KIF2A: variants seen among roughly 807,000 people sequenced by gnomAD.
KIF2A encodes the protein kinesin-like protein KIF2A.
KIF2A carries 22 observed loss-of-function variants against 100.2 expected under a neutral mutation model. The ratio of observed to expected loss-of-function variants is 0.22; its 90% CI spans 0.16 to 0.31. The LOEUF is 0.31. Among genes scored for constraint, KIF2A ranks in the 10% least tolerant of loss-of-function variants. The pLI, the probability that KIF2A is intolerant of heterozygous loss-of-function variation, is 1.00. For synonymous variants in KIF2A, 268 were observed against 285.9 expected, an observed-to-expected ratio of 0.94 and a Z score of 0.63; for missense variants, 495 against 898.7, an observed-to-expected ratio of 0.55 and a Z score of 5.74.
intron 1 of KIF2A, among the ~76,000 whole-genome samples, chr5:62,338,321 C>T (rs377645475): frequency 6.6e-5 from 10 of 152,298 alleles, no homozygotes; most frequent in African/African-American, 1.9e-4. Context: ...CGGAGTCTTG[C>T]TGTGTCACCC....
chr5:62,329,256 G>A (rs1435997787), intron 1 of KIF2A, among the ~76,000 whole-genome samples: 1 of 152,182 alleles, frequency 6.6e-6, no homozygotes, highest in Non-Finnish European at 1.5e-5. Context: ...GTTTGGCAAA[G>A]TCACATTCCC....
intron 1 of KIF2A, among the ~76,000 whole-genome samples, chr5:62,314,225 G>T (rs1429922337): frequency 1.3e-5 from 2 of 152,080 alleles, no homozygotes; most frequent in African/African-American, 4.8e-5. Flanking sequence ...CCAGCACTTT[G>T]GGAGGCCTAG....
chr5:62,342,940 CTG>C lies in KIF2A; in HGVS notation c.65-4186_65-4185del, dbSNP rs766259506. Among the ~76,000 whole-genome samples, 6 of 151,926 alleles carry C rather than the reference CTG, an allele frequency of 3.9e-5. No homozygotes were observed. The East Asian group carries it at 7.7e-4, about 20-fold the overall frequency. On this transcript the variant is annotated intron_variant, in intron 1 of 20. Coordinates refer to ENST00000407818, the MANE Select transcript of KIF2A (RefSeq NM_001098511.3). Reference sequence around the variant, plus strand: ...GATAATTTTGTATTTTTAGTAGAGACTGTGTTTCACCATGTTGGCCAGGCTGG... The same window carrying C: ...GATAATTTTGTATTTTTAGTAGAGACTGTTTCACCATGTTGGCCAGGCTGG...
intron 1 of KIF2A, among the ~76,000 whole-genome samples, chr5:62,330,989 A>T (rs1746604848): frequency 6.6e-6 from 1 of 152,202 alleles, no homozygotes; most frequent in Non-Finnish European, 1.5e-5. Context: ...CATACTTTAA[A>T]CAAAACAGAT....
At chr5:62,367,630 A>G (rs1370484811) in intron 16 of KIF2A, among the ~76,000 whole-genome samples, 2 of 152,184 alleles carry the variant, frequency 1.3e-5, no homozygotes, top group East Asian at 3.8e-4. Context: ...AAACATTATA[A>G]ACATTATAAC....
At chr5:62,363,645 A>G (rs769609841) in intron 13 of KIF2A, 50 bp from the exon 14 acceptor site, 4 of 1,471,538 alleles carry the variant, frequency 2.7e-6, no homozygotes, top group Admixed American at 1.8e-5. Flanking sequence ...TGGTTTGAAC[A>G]TGTAAATTGA....
chr5:62,385,121 G>GAC (rs1741958143), intron 20 of KIF2A, among the ~76,000 whole-genome samples: 1 of 111,876 alleles, frequency 8.9e-6, no homozygotes, highest in Non-Finnish European at 1.8e-5. Flanking sequence ...AAGCTTGGGT[G>GAC]ACAGAGTGAG....
chr5:62,384,675 C>T (rs137860669), intron 20 of KIF2A, among the ~76,000 whole-genome samples: 83 of 152,288 alleles, frequency 5.5e-4, no homozygotes, highest in African/African-American at 1.9e-3. Context: ...AATTTACTAA[C>T]CTATTTCTAG....
chr5:62,324,273 T>C (rs1376575312), intron 1 of KIF2A, among the ~76,000 whole-genome samples: 1 of 152,174 alleles, frequency 6.6e-6, no homozygotes, highest in Non-Finnish European at 1.5e-5. Flanking sequence ...GTTGTTAAAA[T>C]GGCCGTACTG....
At chr5:62,319,339 G>T (rs1019091862) in intron 1 of KIF2A, among the ~76,000 whole-genome samples, 1 of 152,126 alleles carries the variant, frequency 6.6e-6, no homozygotes, top group African/African-American at 2.4e-5. Flanking sequence ...CATGGCTTAT[G>T]GTGGACCCTG....
chr5:62,315,864 A>G (rs941318618), intron 1 of KIF2A, among the ~76,000 whole-genome samples: 4 of 152,254 alleles, frequency 2.6e-5, no homozygotes, highest in South Asian at 4.1e-4. Flanking sequence ...AGGGTGAGCA[A>G]TGATTAAGGA....
At chr5:62,368,492 T>C (rs540932425) in intron 16 of KIF2A, among the ~76,000 whole-genome samples, 2 of 152,238 alleles carry the variant, frequency 1.3e-5, no homozygotes, top group South Asian at 4.1e-4. Context: ...AAAAATGTAA[T>C]AGGGCCAGGC....
chr5:62,367,685 AAG>A (rs1309214808), intron 16 of KIF2A, among the ~76,000 whole-genome samples: 1 of 152,188 alleles, frequency 6.6e-6, no homozygotes, highest in Non-Finnish European at 1.5e-5. Context: ...CAGACTACTA[AAG>A]CAGTTTATTC....
chr5:62,307,779 G>A (rs1346241852), intron 1 of KIF2A, among the ~76,000 whole-genome samples: 1 of 152,100 alleles, frequency 6.6e-6, no homozygotes, highest in Non-Finnish European at 1.5e-5. Context: ...ACCACACCCA[G>A]CTAATTTTTT....
chr5:62,337,132 A>G (rs1747000317), intron 1 of KIF2A, among the ~76,000 whole-genome samples: 1 of 152,254 alleles, frequency 6.6e-6, no homozygotes, highest in Non-Finnish European at 1.5e-5. Flanking sequence ...TGAATAATCT[A>G]ATTTCACACC....
At chr5:62,311,183 C>T (rs1164729197) in intron 1 of KIF2A, among the ~76,000 whole-genome samples, 10 of 152,132 alleles carry the variant, frequency 6.6e-5, no homozygotes, top group Admixed American at 6.5e-4. Context: ...CAGCCAGGAA[C>T]CTGACATGCT....
chr5:62,365,224 T>A lies in KIF2A; in HGVS notation c.1468-19T>A. The A allele has an allele frequency of 7.8e-7, 1 of 1,289,160 alleles. No individual in the cohort carries two copies. Among genetic ancestry groups the A allele is most frequent in the South Asian group, 1.3e-5 (1 of 77,206 alleles). 79.9% of individuals were successfully genotyped at this position (1,289,160 alleles called of 1,614,324 possible). The stretch of plus-strand genomic sequence containing the variant: ...TATAAGAAAGACTAATCTGTGAGAC[T>A]TGTTTTCTTAATTTTCAGGAGTGCA... On this transcript the variant is annotated intron_variant, in intron 14 of 20. Coordinates refer to ENST00000407818, the MANE Select transcript of KIF2A (RefSeq NM_001098511.3).
Position 62,388,988 on chromosome 5 carries a change from A to C in KIF2A, c.*3419A>C. The C allele has an allele frequency of 6.2e-7, 1 of 1,601,248 alleles. No individual in the cohort carries two copies. Among genetic ancestry groups the C allele is most frequent in the Non-Finnish European group, 8.5e-7 (1 of 1,173,250 alleles). On this transcript the variant is annotated 3_prime_UTR_variant, in exon 21 of 21. Transcript: ENST00000407818. ...AAATTCATTTCTTTTCTTGACCTTG[A>C]AAATTTCTGTTTTCCAAATACCTAG...
intron 1 of KIF2A, among the ~76,000 whole-genome samples, chr5:62,336,352 C>T (rs1328926954): frequency 6.6e-6 from 1 of 152,106 alleles, no homozygotes. Context: ...AAGAAATTTT[C>T]CATCAAGGAA....
Sources: gnomAD v4.1 joint callset for allele counts (sites outside exome capture counted in the v4.1 genomes callset) on GRCh38, gnomAD v4.1.1 for gene constraint, MANE v1.5 for transcripts, NCBI Gene and HGNC (gene_info 2026-07-23, HGNC 2026-07-21) for gene names.